Variants in TBC1D5 observed in about 807,000 individuals in gnomAD.
TBC1D5 encodes TBC1 domain family member 5.
In TBC1D5, 75 loss-of-function variants were observed where a neutral mutation model predicts 100.3. The ratio of observed to expected loss-of-function variants is 0.75; its 90% CI spans 0.62 to 0.91. The LOEUF is 0.91. Among genes scored for constraint, TBC1D5 ranks in the 40% least tolerant of loss-of-function variants. The pLI is 0.00. For missense variants in TBC1D5, 910 were observed against 942.4 expected, an observed-to-expected ratio of 0.97 and a Z score of 0.45; for synonymous variants, 323 against 325.6, an observed-to-expected ratio of 0.99 and a Z score of 0.09.
intron 18 of TBC1D5, among the ~76,000 whole-genome samples, chr3:17,190,840 G>A (rs1444854578): frequency 6.6e-6 from 1 of 152,118 alleles, no homozygotes; most frequent in Non-Finnish European, 1.5e-5. Flanking sequence ...TAGGCAGCAG[G>A]AACAGGCTAA....
intron 1 of TBC1D5, among the ~76,000 whole-genome samples, chr3:17,687,923 G>A (rs2070548400): frequency 6.6e-6 from 1 of 152,100 alleles, no homozygotes; most frequent in Non-Finnish European, 1.5e-5. Flanking sequence ...TTTGTGAGGT[G>A]AATTAAAATA....
chr3:17,552,072 A>G (rs1355128254), intron 2 of TBC1D5, among the ~76,000 whole-genome samples: 1 of 152,100 alleles, frequency 6.6e-6, no homozygotes, highest in East Asian at 1.9e-4. Context: ...AGTTTTATGT[A>G]AATTTATTCC....
Position 17,704,588 on chromosome 3 carries a change from GC to G in TBC1D5, c.-101+34754del, listed in dbSNP as rs1311897060. 6.4e-5 allele frequency among the ~76,000 whole-genome samples: 5 copies of G among 78,066 alleles called. 1 individual carries two copies. The highest frequency in any genetic ancestry group is 1.3e-4 in the Non-Finnish European group (5 of 38,372). The allele number at this position is 78,066 out of a possible 152,430, so 51.2% of individuals were successfully genotyped here. A position where few individuals can be genotyped will look rare whatever the true frequency, so the allele number is the denominator to read the frequency against. On this transcript the variant is annotated intron_variant, in intron 1 of 21. Coordinates refer to ENST00000253692, the Ensembl canonical transcript of TBC1D5. ...ACCTCCCTCCCGGACGGGGCGGCTG[GC>G]CGGGCGGGGGGCCGACACCCCCACC... is the stretch of plus-strand genomic sequence containing the variant.
chr3:17,196,671 A>G (rs2070734299), intron 18 of TBC1D5, among the ~76,000 whole-genome samples: 1 of 152,264 alleles, frequency 6.6e-6, no homozygotes, highest in South Asian at 2.1e-4. Context: ...TACTTTGGGT[A>G]TATGTTGACC....
intron 16 of TBC1D5, among the ~76,000 whole-genome samples, chr3:17,239,556 T>C (rs2149061855): frequency 6.6e-6 from 1 of 152,330 alleles, no homozygotes. Context: ...GCTCCAGCTG[T>C]GGCCTATTTG....
At chr3:17,549,963 G>C (rs761543272) in intron 2 of TBC1D5, among the ~76,000 whole-genome samples, 1 of 150,026 alleles carries the variant, frequency 6.7e-6, no homozygotes, top group Non-Finnish European at 1.5e-5. Context: ...GTAATAATAA[G>C]AATAATAATA....
chr3:17,665,658 A>T (rs1010798199), intron 1 of TBC1D5, among the ~76,000 whole-genome samples: 2 of 152,106 alleles, frequency 1.3e-5, no homozygotes, highest in African/African-American at 4.8e-5. Flanking sequence ...ATAACTCACA[A>T]ATTTTTTCCT....
chr3:17,324,175 AT>A (rs2150996116), intron 13 of TBC1D5, among the ~76,000 whole-genome samples: 1 of 152,346 alleles, frequency 6.6e-6, no homozygotes, highest in South Asian at 2.1e-4. Flanking sequence ...TTAACTCAAA[AT>A]GGATAACAGG....
chr3:17,185,045 G>A, intron 19 of TBC1D5, 64 bp downstream of exon 20: 1 of 1,439,002 alleles, frequency 6.9e-7, no homozygotes, highest in South Asian at 1.2e-5. Flanking sequence ...CTAGAACAAA[G>A]TATTGCTAGT....
chr3:17,648,243 T>C (rs1356569355), intron 1 of TBC1D5, among the ~76,000 whole-genome samples: 4 of 152,182 alleles, frequency 2.6e-5, no homozygotes, highest in Non-Finnish European at 4.4e-5. Context: ...AGACTCTCTA[T>C]TCAATAAATG....
At chr3:17,713,013 G>A (rs2074889339) in intron 1 of TBC1D5, among the ~76,000 whole-genome samples, 2 of 152,040 alleles carry the variant, frequency 1.3e-5, no homozygotes, top group African/African-American at 4.8e-5. Flanking sequence ...AGCATATGAT[G>A]CAATTAACTA....
chr3:17,205,870 T>C (rs532614858), intron 18 of TBC1D5, among the ~76,000 whole-genome samples: 32 of 152,000 alleles, frequency 2.1e-4, no homozygotes, highest in Admixed American at 1.2e-3. Flanking sequence ...GATGGCAGAG[T>C]GGAAAGATGG....
intron 4 of TBC1D5, among the ~76,000 whole-genome samples, chr3:17,425,526 C>T (rs1455756839): frequency 1.3e-5 from 2 of 152,094 alleles, no homozygotes; most frequent in Admixed American, 6.5e-5. Context: ...ACTCAGGAGG[C>T]TGAGAGGTGG....
Position 17,685,076 on chromosome 3 carries a change from A to G in TBC1D5, c.-101+54267T>C, listed in dbSNP as rs562471832. Among the ~76,000 whole-genome samples, 255 of 152,226 alleles carry G rather than the reference A, an allele frequency of 1.7e-3. 2 individuals are homozygous for G. The highest frequency in any genetic ancestry group is 5.9e-3 in the African/African-American group (245 of 41,582). On this transcript the variant is annotated intron_variant, in intron 1 of 21. Coordinates refer to ENST00000253692, the Ensembl canonical transcript of TBC1D5. The stretch of plus-strand genomic sequence containing the variant: ...AATCACTGTTTATAAATGATAGGCT[A>G]TATCATTAATTTGTAAGTGACTCTA...
In TBC1D5 at chr3:17,178,066, CTTTTTTT is replaced by C. The variant is rs34673889; in HGVS notation, c.1852+7036_1852+7042del. Reference sequence around the variant, plus strand: ...TTCTTTTTATGGCTGAATAGTGCTCCTTTTTTTTTTTTTTTTTGAGATGGAGTCTCGC... The same window carrying C: ...TTCTTTTTATGGCTGAATAGTGCTCCTTTTTTTTTTGAGATGGAGTCTCGC... On this transcript the variant is annotated intron_variant, in intron 19 of 21. Transcript: ENST00000253692. 3.8e-5 allele frequency among the ~76,000 whole-genome samples: 5 copies of C among 130,062 alleles called. No homozygotes were observed. In the South Asian group the frequency reaches 1.2e-3, roughly 32 times the overall value. 85.3% of individuals were successfully genotyped at this position (130,062 alleles called of 152,430 possible).
intron 2 of TBC1D5, among the ~76,000 whole-genome samples, chr3:17,590,875 C>A (rs1254174904): frequency 1.3e-5 from 2 of 152,114 alleles, no homozygotes; most frequent in East Asian, 3.9e-4. Context: ...AAGCCTACTG[C>A]ATTCCTACCT....
intron 15 of TBC1D5, among the ~76,000 whole-genome samples, chr3:17,285,385 C>T (rs960951520): frequency 3.3e-5 from 5 of 150,348 alleles, no homozygotes; most frequent in Non-Finnish European, 7.4e-5. Flanking sequence ...CTCAGCCTCC[C>T]GAGTAGCTGG....
intron 3 of TBC1D5, among the ~76,000 whole-genome samples, chr3:17,484,845 A>T (rs1576292450): frequency 6.6e-6 from 1 of 152,124 alleles, no homozygotes; most frequent in East Asian, 1.9e-4. Context: ...TACAGGGTAC[A>T]TGACAGAATC....
chr3:17,707,863 T>TC (rs1202633688), intron 1 of TBC1D5, among the ~76,000 whole-genome samples: 1 of 152,068 alleles, frequency 6.6e-6, no homozygotes, highest in African/African-American at 2.4e-5. Flanking sequence ...CAGAAAAAAT[T>TC]CATCAATGAG....
Sources: gnomAD v4.1 joint callset for allele counts (sites outside exome capture counted in the v4.1 genomes callset) on GRCh38, gnomAD v4.1.1 for gene constraint, MANE v1.5 for transcripts, NCBI Gene and HGNC (gene_info 2026-07-23, HGNC 2026-07-21) for gene names.